CSMD2: variants seen among roughly 807,000 people sequenced by gnomAD.
CSMD2 encodes CUB and Sushi multiple domains 2, also known as CUB and sushi domain-containing protein 2.
Under a neutral mutation model 398.5 loss-of-function variants are expected in CSMD2, and 130 were observed. The observed-to-expected ratio is 0.33, with a 90% CI of 0.28 to 0.38. The LOEUF (loss-of-function observed/expected upper bound fraction) is 0.38, where lower values mean the gene tolerates loss of function less well. Among genes scored for constraint, CSMD2 ranks in the 10% least tolerant of loss-of-function variants. CSMD2 has a pLI of 1.00. For synonymous variants in CSMD2, 1,828 were observed against 1,908.5 expected, an observed-to-expected ratio of 0.96 and a Z score of 1.10; for missense variants, 3,829 against 4,764.9, an observed-to-expected ratio of 0.80 and a Z score of 5.78.
In CSMD2 at chr1:33,524,902, C is replaced by G; in HGVS notation, c.10376G>C (p.Gly3459Ala). Reference sequence around the variant, plus strand: ...CTTACCAGCCAAGTGCAGCTCCACGCCACTGTGGTCGATCATGGTGGCATT... The same window carrying G: ...CTTACCAGCCAAGTGCAGCTCCACGGCACTGTGGTCGATCATGGTGGCATT... The part of the protein sequence containing the change: ...KVNATMIDHS[G>A]VELHLAGTYK... The change falls in exon 66 of 71, where the codon GGC (glycine) becomes GCC (alanine). Residue 3459 changes from glycine (G) to alanine (A), a missense_variant. Transcript: ENST00000373381. 6.2e-7 allele frequency: 1 copy of G among 1,614,154 alleles called. No homozygotes were observed. Among genetic ancestry groups the G allele is most frequent in the South Asian group, 1.1e-5 (1 of 91,074 alleles).
chr1:33,659,198 C>T (rs573262726), intron 26 of CSMD2, among the ~76,000 whole-genome samples: 61 of 152,134 alleles, frequency 4.0e-4, no homozygotes, highest in African/African-American at 7.2e-4. Flanking sequence ...GTTTTATAAG[C>T]GAATACTGAA....
intron 12 of CSMD2, among the ~76,000 whole-genome samples, chr1:33,786,164 C>T (rs1312932610): frequency 1.3e-5 from 2 of 152,222 alleles, no homozygotes; most frequent in African/African-American, 2.4e-5. Flanking sequence ...GGCTCTACCC[C>T]ACCCAGATCT....
chr1:33,833,923 C>G (rs1659924486), intron 6 of CSMD2, among the ~76,000 whole-genome samples: 4 of 150,536 alleles, frequency 2.7e-5, no homozygotes, highest in South Asian at 2.1e-4. Flanking sequence ...GAATAAAATA[C>G]CTAGGAATCC....
intron 5 of CSMD2, among the ~76,000 whole-genome samples, chr1:33,896,990 G>C (rs532761136): frequency 4.3e-4 from 66 of 152,068 alleles, no homozygotes; most frequent in Non-Finnish European, 8.2e-4. Flanking sequence ...AGAAGGTAAG[G>C]TCACAGAGGC....
chr1:33,934,215 C>G (rs990734922), intron 4 of CSMD2, among the ~76,000 whole-genome samples: 3 of 152,180 alleles, frequency 2.0e-5, no homozygotes, highest in African/African-American at 7.2e-5. Flanking sequence ...AATGACTTCT[C>G]AACTCCTGGA....
At chr1:33,974,255 C>CA (rs1645877636) in intron 3 of CSMD2, among the ~76,000 whole-genome samples, 2 of 152,202 alleles carry the variant, frequency 1.3e-5, no homozygotes, top group African/African-American at 4.8e-5. Flanking sequence ...TGCTTTATAG[C>CA]AGCCTGAAGA....
chr1:34,072,543 A>C (rs189585415), intron 2 of CSMD2, among the ~76,000 whole-genome samples: 1 of 152,310 alleles, frequency 6.6e-6, no homozygotes, highest in African/African-American at 2.4e-5. Context: ...TCTTTGACCA[A>C]TATCTCATGA....
At chr1:34,085,416 G>T (rs1657760366) in intron 2 of CSMD2, among the ~76,000 whole-genome samples, 1 of 150,804 alleles carries the variant, frequency 6.6e-6, no homozygotes, top group Admixed American at 6.6e-5. Flanking sequence ...TAAATAAATT[G>T]TACCCTTCCA....
At chr1:33,714,483 T>C in intron 21 of CSMD2, 104 bp downstream of exon 21, 1 of 1,358,884 alleles carries the variant, frequency 7.4e-7, no homozygotes, top group Non-Finnish European at 1.0e-6. Flanking sequence ...AAGTGTGGGC[T>C]AAGTCAGCCT....
chr1:33,900,403 G>T (rs935215463), intron 5 of CSMD2, among the ~76,000 whole-genome samples: 3 of 152,140 alleles, frequency 2.0e-5, no homozygotes, highest in East Asian at 3.9e-4. Context: ...AGATGATGGG[G>T]ATCCAATTTC....
intron 60 of CSMD2, among the ~76,000 whole-genome samples, chr1:33,538,126 T>C (rs757311348): frequency 1.6e-4 from 25 of 152,250 alleles, no homozygotes; most frequent in South Asian, 8.3e-4. Context: ...AATCCTTATA[T>C]TGGGCATTTT....
chr1:34,157,084 G>A (rs1203310791), intron 1 of CSMD2, among the ~76,000 whole-genome samples: 3 of 152,122 alleles, frequency 2.0e-5, no homozygotes, highest in Non-Finnish European at 2.9e-5. Flanking sequence ...CATATTTTTC[G>A]GATGGTTTCC....
chr1:34,048,055 G>C (rs1558299315), intron 2 of CSMD2, among the ~76,000 whole-genome samples: 2 of 152,214 alleles, frequency 1.3e-5, no homozygotes, highest in East Asian at 3.9e-4. Flanking sequence ...TTCCATGACA[G>C]AGACTGAAGT....
chr1:33,763,944 G>A (rs571188257), intron 13 of CSMD2, among the ~76,000 whole-genome samples: 231 of 152,154 alleles, frequency 1.5e-3, no homozygotes, highest in Non-Finnish European at 2.3e-3. Flanking sequence ...CTTCTATTCT[G>A]GTTCATGGTT....
chr1:34,009,090 G>A (rs1172670308), intron 3 of CSMD2, among the ~76,000 whole-genome samples: 1 of 152,030 alleles, frequency 6.6e-6, no homozygotes, highest in Admixed American at 6.6e-5. Flanking sequence ...CAGCTGCAGA[G>A]AATAAGGGGC....
At chr1:33,643,393 C>T (rs1444985292) in intron 29 of CSMD2, among the ~76,000 whole-genome samples, 1 of 152,190 alleles carries the variant, frequency 6.6e-6, no homozygotes, top group Non-Finnish European at 1.5e-5. Flanking sequence ...TACCGTGTTC[C>T]CCTGGGTTAG....
intron 3 of CSMD2, among the ~76,000 whole-genome samples, chr1:33,982,442 C>T (rs138296251): frequency 3.5e-4 from 54 of 152,246 alleles, no homozygotes; most frequent in African/African-American, 1.1e-3. Context: ...TTAACCACAC[C>T]GTGCTTCAGT....
At chr1:33,531,359 C>T (rs754488709) in intron 64 of CSMD2, among the ~76,000 whole-genome samples, 2 of 152,120 alleles carry the variant, frequency 1.3e-5, no homozygotes, top group East Asian at 1.9e-4. Flanking sequence ...GGAAGGATGT[C>T]GAGAAATTGG....
chr1:33,575,431 C>T (rs1659980259), intron 49 of CSMD2, among the ~76,000 whole-genome samples: 1 of 152,090 alleles, frequency 6.6e-6, no homozygotes, highest in Admixed American at 6.5e-5. Flanking sequence ...GCCATGGTCT[C>T]CATGGAGGGA....
Sources: gnomAD v4.1 joint callset for allele counts (sites outside exome capture counted in the v4.1 genomes callset) on GRCh38, gnomAD v4.1.1 for gene constraint, MANE v1.5 for transcripts, NCBI Gene and HGNC (gene_info 2026-07-23, HGNC 2026-07-21) for gene names.